Variants in NEGR1 observed in about 807,000 individuals in gnomAD.
The protein encoded by NEGR1 is neuronal growth regulator 1.
In NEGR1, 10 loss-of-function variants were observed where a neutral mutation model predicts 40.9. That is an observed-to-expected ratio of 0.24 (90% CI 0.15 to 0.42). The LOEUF is 0.42. Ranked by LOEUF, NEGR1 falls within the 10% of genes least tolerant of loss-of-function variation. NEGR1 has a pLI of 1.00. For synonymous variants in NEGR1, 185 were observed against 166.8 expected, an observed-to-expected ratio of 1.11 and a Z score of -0.84; for missense variants, 352 against 438.9, an observed-to-expected ratio of 0.80 and a Z score of 1.77.
intron 6 of NEGR1, among the ~76,000 whole-genome samples, chr1:71,431,566 C>CCGTTCATTCATT (rs1646469822): frequency 8.4e-6 from 1 of 119,172 alleles, no homozygotes; most frequent in East Asian, 2.3e-4. Flanking sequence ...ATCTGTTTAT[C>CCGTTCATTCATT]CATTCATTCA....
In NEGR1 at chr1:71,424,781, G is replaced by T. The variant is rs1276848372; in HGVS notation, c.941-17211C>A. Among the ~76,000 whole-genome samples, 7 of 152,174 alleles carry T rather than the reference G, an allele frequency of 4.6e-5. No homozygotes were observed. The South Asian group carries it at 1.5e-3, about 32-fold the overall frequency. On this transcript the variant is annotated intron_variant, in intron 6 of 6. Coordinates refer to ENST00000357731, the MANE Select transcript of NEGR1 (RefSeq NM_173808.3). ...TGCTGACAGCCAACAAGAAAATGAG[G>T]ACCTCAGTCCTTCCACCACAAGGAA...
chr1:71,590,708 A>G (rs559065803), intron 6 of NEGR1, among the ~76,000 whole-genome samples: 3 of 152,300 alleles, frequency 2.0e-5, no homozygotes, highest in South Asian at 4.1e-4. Context: ...ACAAGTTTAT[A>G]TAAAAAATAA....
intron 3 of NEGR1, among the ~76,000 whole-genome samples, chr1:71,709,745 C>A (rs1010470186): frequency 1.3e-5 from 2 of 152,152 alleles, no homozygotes; most frequent in African/African-American, 4.8e-5. Flanking sequence ...TAAATTTAAG[C>A]CCTCAAACTA....
intron 2 of NEGR1, among the ~76,000 whole-genome samples, chr1:71,873,881 T>C (rs1187405753): frequency 6.6e-6 from 1 of 152,158 alleles, no homozygotes; most frequent in Non-Finnish European, 1.5e-5. Flanking sequence ...GTGTTGGGCT[T>C]TGAACATAAT....
intron 2 of NEGR1, among the ~76,000 whole-genome samples, chr1:71,783,661 G>GA (rs1194839967): frequency 6.6e-6 from 1 of 152,150 alleles, no homozygotes; most frequent in Non-Finnish European, 1.5e-5. Flanking sequence ...ATCCGTATAA[G>GA]AAAAACGTTA....
At chr1:71,593,035 C>T in intron 5 of NEGR1, 67 bp from the exon 6 acceptor site, 1 of 1,214,704 alleles carries the variant, frequency 8.2e-7, no homozygotes, top group Non-Finnish European at 1.2e-6. Flanking sequence ...TTTATCTTAG[C>T]TGGGGTTGTC....
rs72682744 is a variant in NEGR1, at chr1:72,226,418, T to C, written c.176+55901A>G. Among the ~76,000 whole-genome samples the C allele has an allele frequency of 8.7e-3, 1,331 of 152,128 alleles. 7 individuals are homozygous for C. The highest frequency in any genetic ancestry group is 0.012 in the Non-Finnish European group (845 of 67,904). ...AAGCCAGTACCTTATAGAGGACATA[T>C]ACCTACTTTCTGAATCATCAGTGTC... On this transcript the variant is annotated intron_variant, in intron 1 of 6. Coordinates refer to ENST00000357731, the MANE Select transcript of NEGR1 (RefSeq NM_173808.3).
intron 4 of NEGR1, among the ~76,000 whole-genome samples, chr1:71,656,993 G>T (rs1042441556): frequency 7.2e-5 from 11 of 152,224 alleles, no homozygotes; most frequent in African/African-American, 2.4e-4. Flanking sequence ...ATACTGTTTG[G>T]CTTCAAAAAT....
At chr1:71,672,303 T>C (rs1200039620) in intron 4 of NEGR1, among the ~76,000 whole-genome samples, 1 of 152,154 alleles carries the variant, frequency 6.6e-6, no homozygotes, top group African/African-American at 2.4e-5. Context: ...GATAAAATTA[T>C]TGCATTCATT....
chr1:71,798,056 A>G (rs1436980304), intron 2 of NEGR1: 1 of 152,096 alleles, frequency 6.6e-6, no homozygotes, highest in Non-Finnish European at 1.5e-5. Flanking sequence ...AAAGGACACA[A>G]AGAGCCAAAT....
At chr1:72,245,070 C>T (rs150917157) in intron 1 of NEGR1, among the ~76,000 whole-genome samples, 1 of 152,032 alleles carries the variant, frequency 6.6e-6, no homozygotes, top group African/African-American at 2.4e-5. Context: ...CCTTTTTTGA[C>T]CTAAGACAGG....
chr1:71,611,304 A>T (rs1650243727), intron 4 of NEGR1, among the ~76,000 whole-genome samples, 158 bp from the exon 5 acceptor site: 1 of 152,208 alleles, frequency 6.6e-6, no homozygotes, highest in Non-Finnish European at 1.5e-5. Context: ...CTTCAAATAC[A>T]AGACTAGTCA....
chr1:72,093,598 A>G (rs1648580396), intron 1 of NEGR1, among the ~76,000 whole-genome samples: 1 of 152,198 alleles, frequency 6.6e-6, no homozygotes, highest in South Asian at 2.1e-4. Flanking sequence ...CCATATCAAA[A>G]CCTAATGAGA....
At chr1:72,073,951 A>G (rs1480475915) in intron 1 of NEGR1, among the ~76,000 whole-genome samples, 4 of 152,176 alleles carry the variant, frequency 2.6e-5, no homozygotes, top group African/African-American at 9.6e-5. Flanking sequence ...ATATAGAAAT[A>G]CAAAAGTTTT....
At chr1:72,196,340 A>C (rs1652998132) in intron 1 of NEGR1, among the ~76,000 whole-genome samples, 1 of 152,128 alleles carries the variant, frequency 6.6e-6, no homozygotes, top group Non-Finnish European at 1.5e-5. Context: ...ATTTCAGATA[A>C]GAGATTTTCA....
intron 1 of NEGR1, among the ~76,000 whole-genome samples, chr1:72,030,139 C>CA (rs1374399216): frequency 6.6e-6 from 1 of 151,378 alleles, no homozygotes; most frequent in African/African-American, 2.4e-5. Context: ...TCACTTGACA[C>CA]AAGTGACAAT....
chr1:71,749,083 A>G (rs1655484760), intron 3 of NEGR1, among the ~76,000 whole-genome samples: 1 of 152,190 alleles, frequency 6.6e-6, no homozygotes, highest in African/African-American at 2.4e-5. Flanking sequence ...TTTCTATCAA[A>G]ACACACTTAC....
At position 71,605,083 on chromosome 1, in the gene NEGR1, C is replaced by T. The variant is rs148502610; in HGVS notation, c.788+5943G>A. 8.0e-3 allele frequency among the ~76,000 whole-genome samples: 1,218 copies of T among 152,172 alleles called. 28 individuals carry two copies. Among genetic ancestry groups the T allele is most frequent in the African/African-American group, 0.027 (1,141 of 41,542 alleles). ...ATATTAGAGGAATAGGAAAGAAATG[C>T]GGTTGCAGCTAAAAAATTCCAAAAA... is the stretch of plus-strand genomic sequence containing the variant. On this transcript the variant is annotated intron_variant, in intron 5 of 6. Transcript: ENST00000357731.
chr1:71,815,927 A>G (rs1487292438), intron 2 of NEGR1, among the ~76,000 whole-genome samples: 1 of 152,056 alleles, frequency 6.6e-6, no homozygotes, highest in Non-Finnish European at 1.5e-5. Context: ...TTACTCTTTC[A>G]TAGAACTTTG....
Sources: allele counts gnomAD v4.1 joint callset (sites outside exome capture counted in the v4.1 genomes callset), GRCh38; gene constraint gnomAD v4.1.1; transcripts MANE v1.5; gene names NCBI Gene and HGNC (gene_info 2026-07-23, HGNC 2026-07-21).